AKAP6: variants seen among roughly 807,000 people sequenced by gnomAD.
AKAP6 encodes A-kinase anchor protein 6.
A neutral mutation model predicts 188.5 loss-of-function variants in AKAP6; 58 were observed. The observed-to-expected ratio is 0.31, with a 90% CI of 0.25 to 0.38. AKAP6 has a LOEUF of 0.38. AKAP6 is among the 10% of genes least tolerant of loss of function. The probability of loss-of-function intolerance (pLI) is 1.00; values close to 1 mark genes in which losing one functional copy is unlikely to be tolerated. For synonymous variants in AKAP6, 989 were observed against 998.6 expected (o/e 0.99, Z 0.18); for missense variants, 2,710 against 2,740.0 (o/e 0.99, Z 0.24).
Position 32,546,936 on chromosome 14 carries a change from T to A in AKAP6, c.2283T>A (p.Ile761=), listed in dbSNP as rs772373496. ...ATTCTGCCACTAAATCAGCTTTAAT[T>A]CAGAAACTGATGCAAGATATTCAGC... ...ESHSATKSAL[I]QKLMQDIQHQ... The change falls in exon 4 of 14, where the codon ATT becomes ATA. Residue 761 remains isoleucine (I), a synonymous_variant. Transcript: ENST00000280979. 4.2e-5 allele frequency: 67 copies of A among 1,611,922 alleles called. 4 individuals are homozygous for A. The South Asian group carries it at 7.4e-4, about 18-fold the overall frequency.
intron 12 of AKAP6, among the ~76,000 whole-genome samples, chr14:32,800,032 A>C (rs919972386): frequency 7.0e-6 from 1 of 143,146 alleles, no homozygotes; most frequent in African/African-American, 2.6e-5. Flanking sequence ...CAACATGGCA[A>C]AACCCTGTCT....
intron 11 of AKAP6, among the ~76,000 whole-genome samples, chr14:32,765,949 C>T (rs894779387): frequency 3.3e-5 from 5 of 152,052 alleles, no homozygotes; most frequent in African/African-American, 1.2e-4. Context: ...AATTTACATA[C>T]CAGAAAATCT....
intron 12 of AKAP6, among the ~76,000 whole-genome samples, chr14:32,813,394 C>CCA (rs1555365142): frequency 9.3e-5 from 11 of 118,006 alleles, no homozygotes; most frequent in South Asian, 8.3e-4. Flanking sequence ...ACCCTACCCC[C>CCA]CCCCCCAACC....
chr14:32,456,913 T>C (rs1019103928), intron 2 of AKAP6, among the ~76,000 whole-genome samples: 1 of 152,226 alleles, frequency 6.6e-6, no homozygotes, highest in Non-Finnish European at 1.5e-5. Flanking sequence ...ACTTATGATG[T>C]TGAAATAAAT....
rs2034571655 is a variant in AKAP6, at chr14:32,822,970, G to A, written c.5157G>A (p.Arg1719=). ...TCCCGGAATCGAATGCATCGTTCAG[G>A]AAGCGTCTGACTCGTTCAGTGGCTG... ...NKIPESNASF[R]KRLTRSVADE... Residue 1719 remains arginine, a synonymous_variant, in exon 13 of 14, where the codon AGG becomes AGA. Transcript: ENST00000280979. 6.2e-7 allele frequency: 1 copy of A among 1,613,772 alleles called. No homozygotes were observed. Among genetic ancestry groups the A allele is most frequent in the African/African-American group, 1.3e-5 (1 of 74,888 alleles).
At chr14:32,601,861 A>G (rs1885939459) in intron 7 of AKAP6, among the ~76,000 whole-genome samples, 2 of 152,238 alleles carry the variant, frequency 1.3e-5, no homozygotes, top group Non-Finnish European at 2.9e-5. Context: ...GTTGAGACCC[A>G]TGCAGCCAGT....
Position 32,548,114 on chromosome 14 carries a change from T to C in AKAP6, c.2346+1115T>C, listed in dbSNP as rs867238142. ...CATGCTTTTTTTTTTTTTTTTTTTT[T>C]CCTCTGAGCAGAGTTTTGCTCCTGT... On this transcript the variant is annotated intron_variant, in intron 4 of 13. Transcript: ENST00000280979. 9.6e-3 allele frequency among the ~76,000 whole-genome samples: 1,255 copies of C among 130,388 alleles called. 25 individuals carry two copies. The highest frequency in any genetic ancestry group is 0.032 in the African/African-American group (1,169 of 36,714). The allele number at this position is 130,388 out of a possible 152,430, so 85.5% of individuals were successfully genotyped here.
At chr14:32,650,114 A>T (rs1888146108) in intron 7 of AKAP6, among the ~76,000 whole-genome samples, 1 of 152,206 alleles carries the variant, frequency 6.6e-6, no homozygotes. Flanking sequence ...GAGATAAAAA[A>T]GATAACTTGT....
At chr14:32,610,557 G>A (rs1886310812) in intron 7 of AKAP6, among the ~76,000 whole-genome samples, 1 of 139,026 alleles carries the variant, frequency 7.2e-6, no homozygotes, top group Non-Finnish European at 1.5e-5. Flanking sequence ...CTAAATTAAG[G>A]CAGACTGTGC....
chr14:32,578,792 C>T (rs1165086254), intron 5 of AKAP6, among the ~76,000 whole-genome samples: 4 of 151,504 alleles, frequency 2.6e-5, no homozygotes, highest in East Asian at 1.9e-4. Context: ...TATTGAAAGC[C>T]GGGCTAGGAG....
intron 1 of AKAP6, among the ~76,000 whole-genome samples, chr14:32,371,565 A>G (rs1483494709): frequency 1.3e-5 from 2 of 152,166 alleles, no homozygotes; most frequent in African/African-American, 4.8e-5. Context: ...CGATCATTGC[A>G]CTCCAGCCTG....
At chr14:32,698,246 A>G (rs1006936820) in intron 9 of AKAP6, among the ~76,000 whole-genome samples, 1 of 152,132 alleles carries the variant, frequency 6.6e-6, no homozygotes, top group Non-Finnish European at 1.5e-5. Context: ...AAGAATCCTC[A>G]GGGATTTCCA....
chr14:32,514,805 G>A lies in AKAP6; in HGVS notation c.325-20749G>A, dbSNP rs541069581. On this transcript the variant is annotated intron_variant, in intron 2 of 13. Coordinates refer to ENST00000280979, the MANE Select transcript of AKAP6 (RefSeq NM_004274.5). ...ATACCTCTTGCCTGGGAAAGGATAA[G>A]TAGGAGGGTGGAGGAGTAATGGCCT... Among the ~76,000 whole-genome samples the A allele has an allele frequency of 7.2e-5, 11 of 152,322 alleles. No homozygotes were observed. The East Asian group carries it at 2.1e-3, about 29-fold the overall frequency.
intron 2 of AKAP6, among the ~76,000 whole-genome samples, chr14:32,508,671 C>T (rs1013177363): frequency 6.6e-6 from 1 of 152,086 alleles, no homozygotes; most frequent in African/African-American, 2.4e-5. Context: ...AATTATGAAA[C>T]ATACTTATTT....
intron 11 of AKAP6, among the ~76,000 whole-genome samples, chr14:32,743,124 C>T (rs12886214): frequency 0.79 from 119,592 of 151,906 alleles, 47,253 homozygotes; most frequent in East Asian, 0.91. Context: ...TATAGTGACC[C>T]TCTTGGTCTC....
At chr14:32,715,045 G>C (rs1484600163) in intron 9 of AKAP6, among the ~76,000 whole-genome samples, 3 of 151,980 alleles carry the variant, frequency 2.0e-5, no homozygotes, top group South Asian at 2.1e-4. Context: ...TCTCTGGAGA[G>C]CTATATGGTC....
chr14:32,394,889 A>G (rs1037243227), intron 1 of AKAP6, among the ~76,000 whole-genome samples: 3 of 152,194 alleles, frequency 2.0e-5, no homozygotes, highest in Non-Finnish European at 4.4e-5. Context: ...TATCTCTGCA[A>G]AATTATGGGG....
intron 3 of AKAP6, among the ~76,000 whole-genome samples, chr14:32,540,168 C>CTCTCTCTCTCTCTATATA (rs1240063339): frequency 5.7e-4 from 35 of 60,902 alleles, no homozygotes; most frequent in African/African-American, 3.1e-3. Context: ...CTCTCTCTCT[C>CTCTCTCTCTCTCTATATA]TATATATATA....
At chr14:32,563,984 G>C (rs1191746190) in intron 4 of AKAP6, among the ~76,000 whole-genome samples, 2 of 152,202 alleles carry the variant, frequency 1.3e-5, no homozygotes, top group South Asian at 4.2e-4. Context: ...ATCCGTGGGG[G>C]ATTCGTTCCA....
Sources: gnomAD v4.1 joint callset for allele counts (sites outside exome capture counted in the v4.1 genomes callset) on GRCh38, gnomAD v4.1.1 for gene constraint, MANE v1.5 for transcripts, NCBI Gene and HGNC (gene_info 2026-07-23, HGNC 2026-07-21) for gene names.